Variants in CHMP1A observed in about 807,000 individuals in gnomAD.
The protein encoded by CHMP1A is charged multivesicular body protein 1A, also known as VPS46 homolog A.
CHMP1A carries 17 observed loss-of-function variants against 27.0 expected under a neutral mutation model. The observed-to-expected ratio is 0.63, with a 90% CI of 0.43 to 0.95. The LOEUF (loss-of-function observed/expected upper bound fraction) is 0.95. Among genes scored for constraint, CHMP1A ranks in the 40% least tolerant of loss-of-function variants. The pLI is 0.00. For synonymous variants in CHMP1A, 131 were observed against 107.5 expected (o/e 1.22, Z -1.35); for missense variants, 275 against 264.0 (o/e 1.04, Z -0.29).
intron 5 of CHMP1A, 102 bp downstream of exon 5, chr16:89,647,101 A>G (rs1213628073): frequency 1.3e-6 from 2 of 1,540,916 alleles, no homozygotes; most frequent in Non-Finnish European, 1.7e-6. Flanking sequence ...AACCACAGGT[A>G]TGCAGAGACA....
At position 89,645,347 on chromosome 16, in the gene CHMP1A, A is replaced by T. The variant is rs1172728969; in HGVS notation, c.*719T>A. ...CAGCACAGCACATGTGGCCAAAGGC[A>T]CCTCCAGAGGCAGCAGCTGAGTGAG... On this transcript the variant is annotated 3_prime_UTR_variant, in exon 7 of 7. Transcript: ENST00000397901. 6.5e-6 allele frequency: 1 copy of T among 153,780 alleles called. No homozygotes were observed. Among genetic ancestry groups the T allele is most frequent in the African/African-American group, 2.4e-5 (1 of 41,472 alleles). 9.5% of individuals were successfully genotyped at this position (153,780 alleles called of 1,614,324 possible).
At chr16:89,646,403 C>G (rs2059773849) in intron 6 of CHMP1A, 124 bp downstream of exon 6, 5 of 1,130,582 alleles carry the variant, frequency 4.4e-6, no homozygotes, top group African/African-American at 1.6e-5. Flanking sequence ...GAGTCGAGAT[C>G]AGGGCTCCCT....
chr16:89,652,983 G>A (rs1355894793), intron 2 of CHMP1A, among the ~76,000 whole-genome samples: 8 of 151,266 alleles, frequency 5.3e-5, no homozygotes, highest in Admixed American at 5.3e-4. Flanking sequence ...GGAACACCAA[G>A]GCCTAATGCC....
At chr16:89,656,038 G>A (rs973141100) in intron 1 of CHMP1A, among the ~76,000 whole-genome samples, 1 of 152,074 alleles carries the variant, frequency 6.6e-6, no homozygotes, top group African/African-American at 2.4e-5. Flanking sequence ...TTTGTGGCGG[G>A]AGGTAGATGT....
Position 89,657,681 on chromosome 16 carries a change from G to A in CHMP1A, c.-93C>T, listed in dbSNP as rs553017774. ...CGGCGGCGATCGAACCGACCAAGCT[G>A]CACCCGGCGGGGACTTCCGGGGTCG... On this transcript the variant is annotated 5_prime_UTR_variant, in exon 1 of 7. Coordinates refer to ENST00000397901, the MANE Select transcript of CHMP1A (RefSeq NM_002768.5). 1.0e-4 allele frequency: 157 copies of A among 1,555,094 alleles called. No homozygotes were observed. In the African/African-American group the frequency reaches 1.2e-3, roughly 11 times the overall value.
At position 89,646,716 on chromosome 16, in the gene CHMP1A, T is replaced by TG. The variant is rs775746192; in HGVS notation, c.382-3dup. The TG allele has an allele frequency of 6.2e-7, 1 of 1,607,530 alleles. No individual in the cohort carries two copies. ...CGAGCTCATGGAGTCCTCCATCACC[T>TG]GGGGGCAGGGGCATGCTCTGGACAA... On this transcript the variant is annotated splice_polypyrimidine_tract_variant and splice_region_variant and intron_variant, in intron 5 of 6. Transcript: ENST00000397901.
chr16:89,649,319 C>A, intron 4 of CHMP1A, 32 bp downstream of exon 4: 1 of 1,600,290 alleles, frequency 6.2e-7, no homozygotes, highest in Non-Finnish European at 8.5e-7. Flanking sequence ...CCAGCGAACG[C>A]CACCCATCCA....
At chr16:89,653,757 T>A in intron 2 of CHMP1A, 147 bp downstream of exon 2, 1 of 768,058 alleles carries the variant, frequency 1.3e-6, no homozygotes, top group Middle Eastern at 2.9e-4. Flanking sequence ...AATAATCCCC[T>A]CCTTGGTCAG....
intron 5 of CHMP1A, 106 bp from the exon 6 acceptor site, chr16:89,646,820 C>A: frequency 2.4e-6 from 3 of 1,260,122 alleles, no homozygotes; most frequent in South Asian, 1.3e-5. Context: ...ACACAGCCAG[C>A]CACCTTCTTG....
intron 1 of CHMP1A, among the ~76,000 whole-genome samples, chr16:89,656,009 C>G (rs1049858665): frequency 6.6e-6 from 1 of 152,108 alleles, no homozygotes; most frequent in Non-Finnish European, 1.5e-5. Flanking sequence ...CCACCACACC[C>G]GGCCTGGCCA....
chr16:89,649,297 T>C, intron 4 of CHMP1A, 54 bp downstream of exon 4: 1 of 1,543,362 alleles, frequency 6.5e-7, no homozygotes, highest in Non-Finnish European at 8.8e-7. Context: ...GCAGAGCCCA[T>C]TCCTGCTTCA....
At chr16:89,646,286 G>C (rs762801324) in intron 6 of CHMP1A, among the ~76,000 whole-genome samples, 199 bp from the exon 7 acceptor site, 1 of 152,210 alleles carries the variant, frequency 6.6e-6, no homozygotes, top group Non-Finnish European at 1.5e-5. Flanking sequence ...TACTGCAGAC[G>C]TGTGTAAACG....
At chr16:89,657,454 G>C in intron 1 of CHMP1A, 128 bp downstream of exon 1, 1 of 1,174,894 alleles carries the variant, frequency 8.5e-7, no homozygotes, top group Non-Finnish European at 1.2e-6. Flanking sequence ...GGGTCCCGGG[G>C]GATCGACGGT....
chr16:89,656,816 C>T (rs1475452670), intron 1 of CHMP1A, among the ~76,000 whole-genome samples: 1 of 151,596 alleles, frequency 6.6e-6, no homozygotes, highest in South Asian at 2.1e-4. Flanking sequence ...GCCGAACAGG[C>T]ATCGCACAGT....
At position 89,645,551 on chromosome 16, in the gene CHMP1A, T is replaced by C. The variant is rs2059766981; in HGVS notation, c.*515A>G. 1.6e-5 allele frequency: 3 copies of C among 191,022 alleles called. No homozygotes were observed. Among genetic ancestry groups the C allele is most frequent in the South Asian group, 7.6e-5 (1 of 13,126 alleles). The allele number at this position is 191,022 out of a possible 1,614,324, so 11.8% of individuals were successfully genotyped here. A position where few individuals can be genotyped will look rare whatever the true frequency, so the allele number is the denominator to read the frequency against. ...GGAGTGATGGAGGAGGAGGATGTCA[T>C]TGTAAATACCACCAGGACAGCGTTG... is the stretch of plus-strand genomic sequence containing the variant. On this transcript the variant is annotated 3_prime_UTR_variant, in exon 7 of 7. Coordinates refer to ENST00000397901, the MANE Select transcript of CHMP1A (RefSeq NM_002768.5).
chr16:89,651,457 G>T (rs1383564876), intron 3 of CHMP1A, 112 bp downstream of exon 3: 2 of 749,434 alleles, frequency 2.7e-6, no homozygotes, highest in Non-Finnish European at 4.5e-6. Context: ...TGTAGAAAGT[G>T]CCCTGCCCCT....
intron 1 of CHMP1A, among the ~76,000 whole-genome samples, chr16:89,656,304 TA>T (rs2059869147): frequency 6.6e-6 from 1 of 152,082 alleles, no homozygotes; most frequent in Non-Finnish European, 1.5e-5. Context: ...GCCTGGCTAA[TA>T]TTTTTGTATT....
intron 1 of CHMP1A, among the ~76,000 whole-genome samples, chr16:89,656,024 A>G (rs2059864113): frequency 6.6e-6 from 1 of 151,844 alleles, no homozygotes; most frequent in South Asian, 2.1e-4. Context: ...TGGCCAGCAT[A>G]TTTTTTGTGG....
rs758689521 is a variant in CHMP1A at position 89,647,181 on chromosome 16, C to T, written c.381+22G>A. 6 of 1,606,240 alleles carry T rather than the reference C, an allele frequency of 3.7e-6. No individual in the cohort carries two copies. In the South Asian group the frequency reaches 6.7e-5, roughly 18 times the overall value. ...ACGCTCCTTGTCCCCAGGCCACAGC[C>T]CCAAGGGTAGGGGCCACATACCGAT... is the stretch of plus-strand genomic sequence containing the variant. On this transcript the variant is annotated intron_variant, in intron 5 of 6. Coordinates refer to ENST00000397901, the MANE Select transcript of CHMP1A (RefSeq NM_002768.5).
Sources: allele counts gnomAD v4.1 joint callset (sites outside exome capture counted in the v4.1 genomes callset), GRCh38; gene constraint gnomAD v4.1.1; transcripts MANE v1.5; gene names NCBI Gene and HGNC (gene_info 2026-07-23, HGNC 2026-07-21).